GRIA4: variants seen among roughly 807,000 people sequenced by gnomAD.
GRIA4 encodes glutamate receptor 4.
In GRIA4, 34 loss-of-function variants were observed where a neutral mutation model predicts 104.0. That is an observed-to-expected ratio of 0.33 (90% CI 0.25 to 0.44). The LOEUF (loss-of-function observed/expected upper bound fraction) is 0.44, where lower values mean the gene tolerates loss of function less well. GRIA4 is among the 20% of genes least tolerant of loss of function. GRIA4 has a pLI of 1.00. For synonymous variants in GRIA4, 386 were observed against 381.9 expected (o/e 1.01, Z -0.13); for missense variants, 750 against 1,096.5 (o/e 0.68, Z 4.46).
chr11:105,623,053 GTATATATATATA>G (rs58596312), intron 3 of GRIA4, among the ~76,000 whole-genome samples: 3,986 of 127,702 alleles, frequency 0.031, 111 homozygotes, highest in East Asian at 0.093. Flanking sequence ...GTATTCCATT[GTATATATATATA>G]TATATATATA....
intron 14 of GRIA4, among the ~76,000 whole-genome samples, chr11:105,939,568 G>A (rs1399954649): frequency 4.0e-5 from 6 of 151,638 alleles, no homozygotes; most frequent in Middle Eastern, 3.4e-3. Context: ...TATTTTTTTT[G>A]TTTCTGCTGT....
At chr11:105,911,913 G>C (rs777178132) in intron 10 of GRIA4, 2 of 1,561,656 alleles carry the variant, frequency 1.3e-6, no homozygotes, top group South Asian at 1.1e-5. Flanking sequence ...AATTGATCAA[G>C]AAAGAAAAGA....
Position 105,879,210 on chromosome 11 carries a change from G to A in GRIA4, c.673-8309G>A, listed in dbSNP as rs1331167422. Among the ~76,000 whole-genome samples the A allele has an allele frequency of 4.6e-5, 7 of 152,168 alleles. No homozygotes were observed. In the East Asian group the frequency reaches 1.4e-3, roughly 30 times the overall value. ...CCCACCCTGCTTCTGCTCACCCTCC[G>A]TGGGCTGCACCCACTGTCTAACCAG... is the stretch of plus-strand genomic sequence containing the variant. On this transcript the variant is annotated intron_variant, in intron 5 of 16. Coordinates refer to ENST00000282499, the MANE Select transcript of GRIA4 (RefSeq NM_000829.4).
chr11:105,862,990 T>C (rs956032269), intron 5 of GRIA4, among the ~76,000 whole-genome samples: 12 of 152,228 alleles, frequency 7.9e-5, no homozygotes, highest in Admixed American at 7.2e-4. Context: ...GTTTTAGAAA[T>C]GCTTGCTCAT....
chr11:105,683,357 C>T (rs906950283), intron 3 of GRIA4, among the ~76,000 whole-genome samples: 4 of 151,228 alleles, frequency 2.6e-5, no homozygotes, highest in African/African-American at 7.3e-5. Flanking sequence ...CAGTAAATAC[C>T]TAGTACTTTT....
At chr11:105,720,779 A>C (rs1414625918) in intron 3 of GRIA4, among the ~76,000 whole-genome samples, 3 of 152,212 alleles carry the variant, frequency 2.0e-5, no homozygotes, top group African/African-American at 7.2e-5. Flanking sequence ...TATCACAGAG[A>C]AACTGCAGGA....
chr11:105,787,472 CTT>C lies in GRIA4; in HGVS notation c.487+34272_487+34273del, dbSNP rs67901321. ...GCAGTCTAAAAGATGTAAAGAATTCCTTTTTTTTTTTTTTTTTTTTTGAGATG... is the reference window on the plus strand; with the variant it reads ...GCAGTCTAAAAGATGTAAAGAATTCCTTTTTTTTTTTTTTTTTTTGAGATG... On this transcript the variant is annotated intron_variant, in intron 4 of 16. Coordinates refer to ENST00000282499, the MANE Select transcript of GRIA4 (RefSeq NM_000829.4). Among the ~76,000 whole-genome samples, 944 of 98,574 alleles carry C rather than the reference CTT, an allele frequency of 9.6e-3. 16 individuals carry two copies. Among genetic ancestry groups the C allele is most frequent in the African/African-American group, 0.036 (904 of 24,864 alleles). 64.7% of individuals were successfully genotyped at this position (98,574 alleles called of 152,430 possible). A position where few individuals can be genotyped will look rare whatever the true frequency, so the allele number is the denominator to read the frequency against.
At chr11:105,919,940 T>C (rs1565342607) in intron 11 of GRIA4, among the ~76,000 whole-genome samples, 2 of 152,018 alleles carry the variant, frequency 1.3e-5, no homozygotes, top group East Asian at 1.9e-4. Flanking sequence ...ACAATAAAGA[T>C]AGAAAGATTT....
intron 3 of GRIA4, among the ~76,000 whole-genome samples, chr11:105,633,273 T>G (rs900644349): frequency 6.6e-6 from 1 of 152,234 alleles, no homozygotes; most frequent in Non-Finnish European, 1.5e-5. Context: ...GCTGACAATG[T>G]TGGCATTTCT....
At chr11:105,715,188 C>T (rs907881262) in intron 3 of GRIA4, among the ~76,000 whole-genome samples, 6 of 152,126 alleles carry the variant, frequency 3.9e-5, no homozygotes, top group African/African-American at 1.4e-4. Flanking sequence ...TGAGGAGTTG[C>T]CAATCATGAC....
chr11:105,917,833 T>C (rs1038259320), intron 10 of GRIA4, among the ~76,000 whole-genome samples: 23 of 151,502 alleles, frequency 1.5e-4, no homozygotes, highest in African/African-American at 5.6e-4. Flanking sequence ...TGTGTGTGTG[T>C]GTGTGTGTGT....
intron 4 of GRIA4, among the ~76,000 whole-genome samples, chr11:105,795,301 C>T (rs932870831): frequency 2.0e-5 from 3 of 152,174 alleles, no homozygotes; most frequent in East Asian, 1.9e-4. Context: ...TATTAAATGA[C>T]GTGACAAGTG....
chr11:105,958,247 T>A (rs892972072), intron 14 of GRIA4, among the ~76,000 whole-genome samples: 1 of 152,118 alleles, frequency 6.6e-6, no homozygotes, highest in Non-Finnish European at 1.5e-5. Flanking sequence ...TGGCTGTGAG[T>A]TTGTCATAAA....
At chr11:105,683,372 C>T (rs1952770851) in intron 3 of GRIA4, among the ~76,000 whole-genome samples, 1 of 151,602 alleles carries the variant, frequency 6.6e-6, no homozygotes, top group South Asian at 2.1e-4. Context: ...ACTTTTAGCA[C>T]AAGAAAATAT....
intron 4 of GRIA4, among the ~76,000 whole-genome samples, chr11:105,819,038 A>C (rs1213208856): frequency 6.6e-6 from 1 of 152,168 alleles, no homozygotes; most frequent in Non-Finnish European, 1.5e-5. Flanking sequence ...AGGTACATGG[A>C]TTAAGGACTG....
chr11:105,768,458 A>T (rs1230693046), intron 4 of GRIA4, among the ~76,000 whole-genome samples: 1 of 152,134 alleles, frequency 6.6e-6, no homozygotes, highest in Admixed American at 6.5e-5. Context: ...AATCAACAAC[A>T]ATCAGCAGCT....
intron 5 of GRIA4, among the ~76,000 whole-genome samples, chr11:105,874,803 G>C (rs1945754821): frequency 6.6e-6 from 1 of 152,190 alleles, no homozygotes; most frequent in South Asian, 2.1e-4. Flanking sequence ...ACAGCTTAAG[G>C]AGATTTTGGG....
At chr11:105,966,154 G>T in intron 14 of GRIA4, 2 of 832,602 alleles carry the variant, frequency 2.4e-6, no homozygotes, top group Non-Finnish European at 4.0e-6. Flanking sequence ...CCTAATACCA[G>T]TCGAATTGCT....
chr11:105,912,350 C>T (rs1355680154), intron 10 of GRIA4: 7 of 974,344 alleles, frequency 7.2e-6, no homozygotes, highest in Non-Finnish European at 8.5e-6. Context: ...TTTTAATGTG[C>T]ATTATAGGTA....
Sources: allele counts gnomAD v4.1 joint callset (sites outside exome capture counted in the v4.1 genomes callset), GRCh38; gene constraint gnomAD v4.1.1; transcripts MANE v1.5; gene names NCBI Gene and HGNC (gene_info 2026-07-23, HGNC 2026-07-21).